The following PRELID2 variants were observed in gnomAD, a reference collection of about 807,000 sequenced individuals.
PRELID2 encodes the protein PRELI domain-containing protein 2.
PRELID2 carries 25 observed loss-of-function variants against 28.4 expected under a neutral mutation model. That is an observed-to-expected ratio of 0.88 (90% CI 0.64 to 1.23). The LOEUF (loss-of-function observed/expected upper bound fraction) is 1.23, where lower values mean the gene tolerates loss of function less well. PRELID2 is among the 50% of genes most tolerant of loss of function. The probability of loss-of-function intolerance (pLI) is 0.00; values close to 1 mark genes in which losing one functional copy is unlikely to be tolerated. For missense variants in PRELID2, 201 were observed against 214.4 expected, an observed-to-expected ratio of 0.94 and a Z score of 0.39; for synonymous variants, 76 against 71.6, an observed-to-expected ratio of 1.06 and a Z score of -0.31.
intron 1 of PRELID2, among the ~76,000 whole-genome samples, chr5:145,540,204 T>A (rs763125160): frequency 2.6e-5 from 4 of 151,994 alleles, no homozygotes; most frequent in African/African-American, 9.7e-5. Flanking sequence ...GCAATTTGAG[T>A]TCTAGCCATA....
intron 1 of PRELID2, among the ~76,000 whole-genome samples, chr5:145,654,817 C>G (rs1453885832): frequency 1.3e-5 from 2 of 152,110 alleles, no homozygotes; most frequent in African/African-American, 4.8e-5. Flanking sequence ...AAACTGGAAG[C>G]ATTCCCTTTG....
chr5:145,604,545 C>T (rs1388547605), intron 1 of PRELID2, among the ~76,000 whole-genome samples: 4 of 151,880 alleles, frequency 2.6e-5, no homozygotes, highest in East Asian at 1.9e-4. Flanking sequence ...TGAACATAGA[C>T]GTGTATACGT....
intron 1 of PRELID2, among the ~76,000 whole-genome samples, chr5:145,717,520 G>A (rs879283773): frequency 5.3e-5 from 8 of 151,892 alleles, no homozygotes; most frequent in African/African-American, 1.2e-4. Flanking sequence ...AGGATAAAAC[G>A]ATGCACAGAA....
chr5:145,299,466 T>C, the PRELID2 span, among the ~76,000 whole-genome samples: 2 of 152,286 alleles, frequency 1.3e-5, no homozygotes, highest in South Asian at 4.1e-4. Context: ...TAAACAAGAT[T>C]GTAAAATTAC....
chr5:145,393,402 A>G, the PRELID2 span, among the ~76,000 whole-genome samples: 3 of 151,910 alleles, frequency 2.0e-5, no homozygotes, highest in Non-Finnish European at 4.4e-5. Flanking sequence ...AAAAGAAAAA[A>G]CTCTAGGCAA....
In PRELID2 at chr5:145,546,574, T is replaced by A. The variant is rs533062209; in HGVS notation, n.71-73259A>T. On this transcript the variant is annotated intron_variant and non_coding_transcript_variant, in intron 1 of 2. Coordinates refer to the PRELID2 transcript ENST00000510259. ...AAGTAGAACATTCATTGTATGAACA[T>A]ACCAGAGACTGTCTGGCCAGAGGGA... 2.0e-5 allele frequency among the ~76,000 whole-genome samples: 3 copies of A among 152,242 alleles called. No individual in the cohort carries two copies. The South Asian group carries it at 6.2e-4, about 32-fold the overall frequency.
chr5:145,520,678 C>G (rs1487120007), intron 1 of PRELID2, among the ~76,000 whole-genome samples: 1 of 152,140 alleles, frequency 6.6e-6, no homozygotes, highest in Non-Finnish European at 1.5e-5. Flanking sequence ...TATAAATACC[C>G]ATTCCTATAA....
At chr5:145,512,374 C>T (rs993967781) in intron 1 of PRELID2, among the ~76,000 whole-genome samples, 5 of 152,138 alleles carry the variant, frequency 3.3e-5, no homozygotes, top group Non-Finnish European at 5.9e-5. Flanking sequence ...GTAAACAAAT[C>T]CACCTGGAAC....
At chr5:145,427,429 A>C in the PRELID2 span, among the ~76,000 whole-genome samples, 2 of 152,202 alleles carry the variant, frequency 1.3e-5, no homozygotes, top group Admixed American at 1.3e-4. Flanking sequence ...TTCAGACAAG[A>C]ATCTAAAATT....
At chr5:145,394,599 A>C in the PRELID2 span, among the ~76,000 whole-genome samples, 1 of 152,222 alleles carries the variant, frequency 6.6e-6, no homozygotes, top group African/African-American at 2.4e-5. Flanking sequence ...AAAATAAAGT[A>C]AAATAAATAT....
chr5:145,514,317 G>GAAAAAAAAAAAAAAAAA (rs1580964259), intron 1 of PRELID2, among the ~76,000 whole-genome samples: 1 of 76,322 alleles, frequency 1.3e-5, no homozygotes, highest in Non-Finnish European at 3.0e-5. Context: ...CAAATGGAAA[G>GAAAAAAAAAAAAAAAAA]CAAAAAAAAA....
chr5:145,287,516 T>G, the PRELID2 span, among the ~76,000 whole-genome samples: 1 of 152,196 alleles, frequency 6.6e-6, no homozygotes, highest in African/African-American at 2.4e-5. Flanking sequence ...AACTTATAAA[T>G]TGCTTATTTC....
At chr5:145,706,905 C>T (rs1755563012) in intron 1 of PRELID2, among the ~76,000 whole-genome samples, 1 of 152,148 alleles carries the variant, frequency 6.6e-6, no homozygotes, top group Non-Finnish European at 1.5e-5. Flanking sequence ...TTCACAGTGA[C>T]TAAACATCCT....
the PRELID2 span, among the ~76,000 whole-genome samples, chr5:145,335,473 T>C: frequency 5.3e-5 from 8 of 152,252 alleles, no homozygotes; most frequent in Admixed American, 1.3e-4. Flanking sequence ...CTCCATTTCT[T>C]TAATGTCAAT....
At chr5:145,363,414 A>T in the PRELID2 span, among the ~76,000 whole-genome samples, 5 of 151,778 alleles carry the variant, frequency 3.3e-5, no homozygotes, top group Non-Finnish European at 5.9e-5. Flanking sequence ...TCCTGTGACA[A>T]GTACTGAGGG....
At chr5:145,649,870 G>GT (rs1491084435) in intron 1 of PRELID2, among the ~76,000 whole-genome samples, 1 of 152,050 alleles carries the variant, frequency 6.6e-6, no homozygotes, top group East Asian at 1.9e-4. Context: ...TTCACTGTCT[G>GT]TTTTTATCTC....
chr5:145,382,135 A>G, the PRELID2 span, among the ~76,000 whole-genome samples: 1 of 152,024 alleles, frequency 6.6e-6, no homozygotes, highest in Non-Finnish European at 1.5e-5. Context: ...AAGTCACTGG[A>G]TGAATTATTA....
At chr5:145,376,443 A>G in the PRELID2 span, among the ~76,000 whole-genome samples, 1 of 152,042 alleles carries the variant, frequency 6.6e-6, no homozygotes, top group African/African-American at 2.4e-5. Context: ...CTTCTCCTCA[A>G]TTTTTTTGTA....
the PRELID2 span, among the ~76,000 whole-genome samples, chr5:145,432,070 A>G: frequency 1.3e-5 from 2 of 152,146 alleles, no homozygotes; most frequent in South Asian, 2.1e-4. Context: ...AGACTAATAC[A>G]TACATCATGG....
Sources: gnomAD v4.1 joint callset for allele counts (sites outside exome capture counted in the v4.1 genomes callset) on GRCh38, gnomAD v4.1.1 for gene constraint, MANE v1.5 for transcripts, NCBI Gene and HGNC (gene_info 2026-07-23, HGNC 2026-07-21) for gene names.